SUCLG2: variants seen among roughly 807,000 people sequenced by gnomAD.
SUCLG2 encodes succinate-CoA ligase GDP-forming subunit beta.
Under a neutral mutation model 47.9 loss-of-function variants are expected in SUCLG2, and 42 were observed. The ratio of observed to expected loss-of-function variants is 0.88; its 90% CI spans 0.69 to 1.14. SUCLG2 has a LOEUF of 1.14. Among genes scored for constraint, SUCLG2 ranks in the 50% most tolerant of loss-of-function variants. The pLI, the probability that SUCLG2 is intolerant of heterozygous loss-of-function variation, is 0.00. For missense variants in SUCLG2, 571 were observed against 525.9 expected (o/e 1.09, Z -0.84); for synonymous variants, 195 against 197.3 (o/e 0.99, Z 0.10).
chr3:67,639,187 A>G lies in SUCLG2; in HGVS notation c.84+15316T>C, dbSNP rs141616235. On this transcript the variant is annotated intron_variant, in intron 1 of 10. Transcript: ENST00000307227. Reference sequence around the variant, plus strand: ...TGTAATGTACATTCGAAAAAAATGTATATGTATCAGTAATTTACCAAGCCC... The same window carrying G: ...TGTAATGTACATTCGAAAAAAATGTGTATGTATCAGTAATTTACCAAGCCC... Among the ~76,000 whole-genome samples, 25 of 152,306 alleles carry G rather than the reference A, an allele frequency of 1.6e-4. No homozygotes were observed. In the East Asian group the frequency reaches 4.8e-3, roughly 29 times the overall value.
chr3:67,493,609 T>C (rs1236699795), intron 9 of SUCLG2, among the ~76,000 whole-genome samples: 2 of 152,230 alleles, frequency 1.3e-5, no homozygotes, highest in Non-Finnish European at 1.5e-5. Context: ...ATTGTCCTGG[T>C]AGATTTCATC....
intron 2 of SUCLG2, among the ~76,000 whole-genome samples, chr3:67,601,945 C>T (rs992055517): frequency 4.6e-5 from 7 of 151,920 alleles, no homozygotes; most frequent in Non-Finnish European, 1.0e-4. Context: ...TCGCACCCCC[C>T]AACTCCAGCC....
intron 2 of SUCLG2, among the ~76,000 whole-genome samples, chr3:67,592,424 C>T (rs150927494): frequency 6.6e-6 from 1 of 152,284 alleles, no homozygotes; most frequent in East Asian, 1.9e-4. Flanking sequence ...CCTTATGGAG[C>T]AACTTCAAAT....
intron 9 of SUCLG2, among the ~76,000 whole-genome samples, chr3:67,412,053 A>G (rs775591193): frequency 9.9e-5 from 15 of 152,188 alleles, no homozygotes; most frequent in Non-Finnish European, 1.8e-4. Flanking sequence ...TGTCACCAAA[A>G]AAACATTCTC....
chr3:67,588,647 C>T (rs1355772149), intron 2 of SUCLG2, among the ~76,000 whole-genome samples: 1 of 152,168 alleles, frequency 6.6e-6, no homozygotes, highest in African/African-American at 2.4e-5. Flanking sequence ...TGTATTTATG[C>T]TCAGAGCTCT....
intron 9 of SUCLG2, among the ~76,000 whole-genome samples, chr3:67,484,880 T>C (rs1008102402): frequency 6.6e-6 from 1 of 152,194 alleles, no homozygotes; most frequent in African/African-American, 2.4e-5. Flanking sequence ...TTGGTGGGAA[T>C]GCACAGAGAA....
chr3:67,489,347 A>C (rs1225089717), intron 9 of SUCLG2, among the ~76,000 whole-genome samples: 2 of 152,192 alleles, frequency 1.3e-5, no homozygotes, highest in African/African-American at 4.8e-5. Flanking sequence ...AGAGTGGTAG[A>C]TGGTTTTCCA....
intron 9 of SUCLG2, among the ~76,000 whole-genome samples, chr3:67,433,258 G>C (rs906822811): frequency 3.9e-5 from 6 of 152,082 alleles, no homozygotes; most frequent in African/African-American, 1.4e-4. Context: ...ACTTCATATG[G>C]CTTCCCCAAA....
chr3:67,551,950 A>G (rs997884510), intron 2 of SUCLG2, among the ~76,000 whole-genome samples: 1 of 152,124 alleles, frequency 6.6e-6, no homozygotes, highest in Non-Finnish European at 1.5e-5. Context: ...ACACCACCTT[A>G]GTATGGTGCT....
At position 67,650,954 on chromosome 3, in the gene SUCLG2, C is replaced by T. The variant is rs548736214; in HGVS notation, c.84+3549G>A. Among the ~76,000 whole-genome samples the T allele has an allele frequency of 2.6e-4, 40 of 152,306 alleles. No individual in the cohort carries two copies. The East Asian group carries it at 7.3e-3, about 28-fold the overall frequency. On this transcript the variant is annotated intron_variant, in intron 1 of 10. Coordinates refer to ENST00000307227, the MANE Select transcript of SUCLG2 (RefSeq NM_003848.4). Reference sequence around the variant, plus strand: ...CTTGACTGGCAGTATGTACTCATATCTTGCCCACCATGGCAGTGCCTGGCT... The same window carrying T: ...CTTGACTGGCAGTATGTACTCATATTTTGCCCACCATGGCAGTGCCTGGCT...
At chr3:67,654,252 A>C (rs1161792216) in intron 1 of SUCLG2, among the ~76,000 whole-genome samples, 1 of 152,140 alleles carries the variant, frequency 6.6e-6, no homozygotes, top group Non-Finnish European at 1.5e-5. Context: ...GCGCGGGCAG[A>C]CAGCGGAGAC....
intron 9 of SUCLG2, among the ~76,000 whole-genome samples, chr3:67,402,593 G>A (rs1433324942): frequency 6.6e-6 from 1 of 152,194 alleles, no homozygotes; most frequent in East Asian, 1.9e-4. Flanking sequence ...AATAACTGTA[G>A]GATGGAGAGG....
At position 67,434,904 on chromosome 3, in the gene SUCLG2, T is replaced by C. The variant is rs544714630; in HGVS notation, c.1063-34053A>G. ...GATACATTGTACCAGTTCTTAAATG[T>C]GCATTCTTTCTACGTCTCAACTGTT... is the stretch of plus-strand genomic sequence containing the variant. On this transcript the variant is annotated intron_variant, in intron 9 of 10. Transcript: ENST00000307227. 9.2e-5 allele frequency among the ~76,000 whole-genome samples: 14 copies of C among 152,356 alleles called. No homozygotes were observed. The South Asian group carries it at 2.7e-3, about 29-fold the overall frequency.
chr3:67,436,753 C>A (rs879865400), intron 9 of SUCLG2, among the ~76,000 whole-genome samples: 1 of 152,068 alleles, frequency 6.6e-6, no homozygotes, highest in Non-Finnish European at 1.5e-5. Flanking sequence ...TGATGTATGA[C>A]CACCACACAA....
intron 9 of SUCLG2, chr3:67,409,156 T>A: frequency 8.6e-7 from 1 of 1,167,718 alleles, no homozygotes; most frequent in Non-Finnish European, 1.2e-6. Context: ...AGCTCATGGT[T>A]TTGGCATTTC....
chr3:67,535,994 A>G (rs1443510273), intron 2 of SUCLG2, among the ~76,000 whole-genome samples: 1 of 152,208 alleles, frequency 6.6e-6, no homozygotes, highest in East Asian at 1.9e-4. Context: ...CGGGTTGAAA[A>G]TGAACAGCTC....
At chr3:67,415,672 T>C (rs970132190) in intron 9 of SUCLG2, among the ~76,000 whole-genome samples, 1 of 152,208 alleles carries the variant, frequency 6.6e-6, no homozygotes, top group Admixed American at 6.5e-5. Flanking sequence ...TAAAATGTCC[T>C]TTATATACAC....
chr3:67,433,181 A>T (rs1553643400), intron 9 of SUCLG2, among the ~76,000 whole-genome samples: 1 of 152,148 alleles, frequency 6.6e-6, no homozygotes, highest in Non-Finnish European at 1.5e-5. Context: ...CTTCTATAAA[A>T]GCTACCCCAT....
chr3:67,592,590 T>C (rs1047813200), intron 2 of SUCLG2, among the ~76,000 whole-genome samples: 2 of 152,066 alleles, frequency 1.3e-5, no homozygotes, highest in African/African-American at 2.4e-5. Context: ...TAATTCAATA[T>C]TAATTCAACC....
Sources: gnomAD v4.1 joint callset for allele counts (sites outside exome capture counted in the v4.1 genomes callset) on GRCh38, gnomAD v4.1.1 for gene constraint, MANE v1.5 for transcripts, NCBI Gene and HGNC (gene_info 2026-07-23, HGNC 2026-07-21) for gene names.